Variants in DFFA observed in about 807,000 individuals in gnomAD.
The protein encoded by DFFA is DNA fragmentation factor subunit alpha, also known as DFF45.
DFFA carries 14 observed loss-of-function variants against 28.0 expected under a neutral mutation model. The observed-to-expected ratio is 0.50, with a 90% CI of 0.33 to 0.78. The LOEUF (loss-of-function observed/expected upper bound fraction) is 0.78. DFFA is among the 30% of genes least tolerant of loss of function. DFFA has a pLI of 0.02. For synonymous variants in DFFA, 158 were observed against 170.3 expected (o/e 0.93, Z 0.56); for missense variants, 395 against 407.1 (o/e 0.97, Z 0.26).
At position 10,459,605 on chromosome 1, in the gene DFFA, A is replaced by G. The variant is rs1640899990; in HGVS notation, c.*1885T>C. The G allele has an allele frequency of 6.6e-6, 1 of 151,782 alleles. No individual in the cohort carries two copies. Among genetic ancestry groups the G allele is most frequent in the South Asian group, 2.1e-4 (1 of 4,800 alleles). 9.4% of individuals were successfully genotyped at this position (151,782 alleles called of 1,614,324 possible). A position where few individuals can be genotyped will look rare whatever the true frequency, so the allele number is the denominator to read the frequency against. On this transcript the variant is annotated 3_prime_UTR_variant, in exon 6 of 6. Coordinates refer to ENST00000377038, the MANE Select transcript of DFFA (RefSeq NM_004401.3). ...AAACAAGATTGTGGCCATAGTCAAC[A>G]CTCTATAATGTCACCATCTTCACCA...
chr1:10,463,401 CAG>C, intron 4 of DFFA, 28 bp downstream of exon 4: 1 of 1,586,838 alleles, frequency 6.3e-7, no homozygotes, highest in South Asian at 1.2e-5. Context: ...CCTGAATTCT[CAG>C]AGTGACTCTG....
intron 3 of DFFA, 68 bp from the exon 4 acceptor site, chr1:10,463,688 C>CGGAGTCTGCTCTGTTGCCCAGGCT: frequency 6.8e-7 from 1 of 1,462,780 alleles, no homozygotes; most frequent in African/African-American, 1.4e-5. Flanking sequence ...TTTTTTGAGA[C>CGGAGTCTGCTCTGTTGCCCAGGCT]GGAGTCTGCT....
Position 10,462,502 on chromosome 1 carries a change from G to C in DFFA, c.783+556C>G, listed in dbSNP as rs1417656848. On this transcript the variant is annotated intron_variant, in intron 5 of 5. Transcript: ENST00000377038. ...GAAAGTTTACTTGGAGCAACTCTAA[G>C]GTCCTCCACCTTCAGGAAATTTAGC... is the stretch of plus-strand genomic sequence containing the variant. The C allele has an allele frequency of 3.0e-6, 3 of 989,812 alleles. No homozygotes were observed. The African/African-American group carries it at 5.2e-5, about 17-fold the overall frequency. 61.3% of individuals were successfully genotyped at this position (989,812 alleles called of 1,614,324 possible). A position where few individuals can be genotyped will look rare whatever the true frequency, so the allele number is the denominator to read the frequency against.
chr1:10,467,242 T>C lies in DFFA; in HGVS notation c.389A>G (p.Gln130Arg), dbSNP rs181774839. 1.2e-6 allele frequency: 2 copies of C among 1,614,160 alleles called. No individual in the cohort carries two copies. The highest frequency in any genetic ancestry group is 3.3e-5 in the Admixed American group (2 of 60,020). ...AGLKWKNVAR[Q>R]LKEDLSSIIL... ...GATGCTGGACAGATCTTCTTTCAGC[T>C]GCCTGGCCACATTCTTCCACTTCAA... Residue 130 changes from glutamine to arginine, a missense_variant, in exon 3 of 6, where the codon CAG (glutamine) becomes CGG (arginine). By Grantham distance (43) the Gln-to-Arg change is conservative. Transcript: ENST00000377038.
Position 10,462,794 on chromosome 1 carries a change from C to T in DFFA, c.783+264G>A, listed in dbSNP as rs750406747. On this transcript the variant is annotated intron_variant, in intron 5 of 5. Transcript: ENST00000377038. ...CAGAAGATTGGGCCCTGCTATTCCT[C>T]CCTGTCAGGAACAGTCATTTCATTA... is the stretch of plus-strand genomic sequence containing the variant. The T allele has an allele frequency of 1.6e-4, 209 of 1,322,682 alleles. 1 individual carries two copies. Among genetic ancestry groups the T allele is most frequent in the Non-Finnish European group, 1.9e-4 (199 of 1,031,464 alleles). The allele number at this position is 1,322,682 out of a possible 1,614,324, so 81.9% of individuals were successfully genotyped here. A position where few individuals can be genotyped will look rare whatever the true frequency, so the allele number is the denominator to read the frequency against.
rs996070349 is a variant in DFFA, at chr1:10,456,578, C to A, written c.*4912G>T. ...ATTTATTAAAGATACATTAATAATT[C>A]TTGTAATTGATGCAGGTTTTCTTTT... is the stretch of plus-strand genomic sequence containing the variant. On this transcript the variant is annotated 3_prime_UTR_variant, in exon 6 of 6. Transcript: ENST00000377038. The A allele has an allele frequency of 5.6e-5, 8 of 142,552 alleles. No homozygotes were observed. The highest frequency in any genetic ancestry group is 2.0e-4 in the African/African-American group (8 of 39,192). The allele number at this position is 142,552 out of a possible 1,614,324, so 8.8% of individuals were successfully genotyped here. A position where few individuals can be genotyped will look rare whatever the true frequency, so the allele number is the denominator to read the frequency against.
At chr1:10,463,659 C>A (rs1365245602) in intron 3 of DFFA, 39 bp from the exon 4 acceptor site, 2 of 1,553,358 alleles carry the variant, frequency 1.3e-6, no homozygotes, top group South Asian at 1.2e-5. Flanking sequence ...TCTACAGGGA[C>A]TTTCTGACTT....
Position 10,463,586 on chromosome 1 carries a change from T to G in DFFA, c.476A>C (p.Gln159Pro), listed in dbSNP as rs201908330. Residue 159 changes from glutamine to proline, a missense_variant, in exon 4 of 6, where the codon CAG becomes CCG. By Grantham distance (76) the Gln-to-Pro change is moderately conservative. Transcript: ENST00000377038. ...GGTGGCACAACTCTGACGTAGTTCC[T>G]GAGCCAGGTCTGAGCAGGGAGCGTC... ...LVDAPCSDLA[Q>P]ELRQSCATVQ... The G allele has an allele frequency of 1.4e-4, 220 of 1,614,018 alleles. 1 individual carries two copies. Among genetic ancestry groups the G allele is most frequent in the Non-Finnish European group, 2.7e-5 (32 of 1,180,032 alleles).
chr1:10,464,541 CCT>C (rs1640996951), intron 3 of DFFA, among the ~76,000 whole-genome samples: 1 of 151,982 alleles, frequency 6.6e-6, no homozygotes, highest in Admixed American at 6.6e-5. Context: ...ATGGTGAAAC[CCT>C]GTCTTTACCA....
In DFFA at chr1:10,463,728, G is replaced by A. The variant is rs191819924; in HGVS notation, c.442-108C>T. Reference sequence around the variant, plus strand: ...TGCCCAGGCTGGAGTGCGATGGTGTGATCTCGGCTCACTGCAACCTCCGCC... The same window carrying A: ...TGCCCAGGCTGGAGTGCGATGGTGTAATCTCGGCTCACTGCAACCTCCGCC... On this transcript the variant is annotated intron_variant, in intron 3 of 5. Coordinates refer to ENST00000377038, the MANE Select transcript of DFFA (RefSeq NM_004401.3). The A allele has an allele frequency of 3.1e-5, 36 of 1,161,970 alleles. No individual in the cohort carries two copies. In the Admixed American group the frequency reaches 1.0e-3, roughly 33 times the overall value. The allele number at this position is 1,161,970 out of a possible 1,614,324, so 72.0% of individuals were successfully genotyped here. A position where few individuals can be genotyped will look rare whatever the true frequency, so the allele number is the denominator to read the frequency against.
chr1:10,462,148 G>A (rs538196571), intron 5 of DFFA, among the ~76,000 whole-genome samples: 173 of 151,718 alleles, frequency 1.1e-3, no homozygotes, highest in East Asian at 7.2e-3. Context: ...GTGAGCCACC[G>A]CGCCCAGCCT....
intron 5 of DFFA, chr1:10,462,511 C>T: frequency 1.0e-6 from 1 of 989,958 alleles, no homozygotes; most frequent in Non-Finnish European, 1.2e-6. Context: ...AGGTCCTCCA[C>T]CTTCAGGAAA....
intron 3 of DFFA, among the ~76,000 whole-genome samples, chr1:10,465,740 AGGTT>A (rs1251849999): frequency 6.6e-6 from 1 of 151,856 alleles, no homozygotes; most frequent in African/African-American, 2.4e-5. Flanking sequence ...TTTGTTGCCC[AGGTT>A]GGTGTGGTAT....
chr1:10,463,163 A>G lies in DFFA; in HGVS notation c.678T>C (p.Gly226=), dbSNP rs1284573923. ...FGEEVDAVDT[G]ISRETSSDVA... ...CGTCCGAGGAGGTCTCTCTGCTGAT[A>G]CCCGTGTCTACTGCATCCACCTCCT... is the stretch of plus-strand genomic sequence containing the variant. The change falls in exon 5 of 6, where the codon GGT becomes GGC. Residue 226 remains glycine (G), a synonymous_variant. Coordinates refer to ENST00000377038, the MANE Select transcript of DFFA (RefSeq NM_004401.3). The G allele has an allele frequency of 1.2e-6, 2 of 1,614,070 alleles. No individual in the cohort carries two copies. Among genetic ancestry groups the G allele is most frequent in the South Asian group, 1.1e-5 (1 of 91,078 alleles).
At chr1:10,462,146 C>T (rs369581230) in intron 5 of DFFA, among the ~76,000 whole-genome samples, 18 of 152,270 alleles carry the variant, frequency 1.2e-4, no homozygotes, top group East Asian at 7.7e-4. Flanking sequence ...GCGTGAGCCA[C>T]CGCGCCCAGC....
intron 3 of DFFA, 143 bp downstream of exon 3, chr1:10,467,047 A>T: frequency 9.8e-7 from 1 of 1,018,044 alleles, no homozygotes; most frequent in East Asian, 2.7e-5. Flanking sequence ...GAAGATGAAA[A>T]ATCTTAGTTG....
At chr1:10,471,215 G>GACA (rs1409844592) in intron 1 of DFFA, among the ~76,000 whole-genome samples, 1 of 152,090 alleles carries the variant, frequency 6.6e-6, no homozygotes, top group Non-Finnish European at 1.5e-5. Flanking sequence ...CTTTCTCCAG[G>GACA]ACAGGTCTGT....
At chr1:10,467,589 C>T (rs1025073819) in intron 2 of DFFA, among the ~76,000 whole-genome samples, 1 of 151,886 alleles carries the variant, frequency 6.6e-6, no homozygotes, top group African/African-American at 2.4e-5. Context: ...TGGCTCACTG[C>T]AACCTCCACT....
rs750866837 is a variant in DFFA at position 10,467,194 on chromosome 1, A to G, written c.437T>C (p.Leu146Pro). The G allele has an allele frequency of 3.7e-6, 6 of 1,613,896 alleles. No individual in the cohort carries two copies. The Admixed American group carries it at 1.0e-4, about 27-fold the overall frequency. ...AGGTTGTGGAGGAGGCTTTACCTGG[A>G]GGTCCTCCTCTGATAGGAGGATGAT... ...SSIILLSEED[L>P]QMLVDAPCSD... The change falls in exon 3 of 6, where the codon CTC becomes CCC. Residue 146 changes from leucine (L) to proline (P), a missense_variant. Leu to Pro is a moderately conservative substitution (Grantham distance 98). Coordinates refer to ENST00000377038, the MANE Select transcript of DFFA (RefSeq NM_004401.3).
Sources: allele counts gnomAD v4.1 joint callset (sites outside exome capture counted in the v4.1 genomes callset), GRCh38; gene constraint gnomAD v4.1.1; transcripts MANE v1.5; gene names NCBI Gene and HGNC (gene_info 2026-07-23, HGNC 2026-07-21).